NEK1: variants seen among roughly 807,000 people sequenced by gnomAD.
The protein encoded by NEK1 is serine/threonine-protein kinase Nek1.
Under a neutral mutation model 182.1 loss-of-function variants are expected in NEK1, and 137 were observed. The observed-to-expected ratio is 0.75, with a 90% CI of 0.65 to 0.87. The LOEUF is 0.87. Ranked by LOEUF, NEK1 falls within the 40% of genes least tolerant of loss-of-function variation. The probability of loss-of-function intolerance (pLI) is 0.00; values close to 1 mark genes in which losing one functional copy is unlikely to be tolerated. For missense variants in NEK1, 1,391 were observed against 1,494.4 expected (o/e 0.93, Z 1.14); for synonymous variants, 513 against 492.2 (o/e 1.04, Z -0.56).
intron 18 of NEK1, among the ~76,000 whole-genome samples, chr4:169,541,759 A>C (rs927979737): frequency 3.3e-5 from 5 of 152,314 alleles, no homozygotes; most frequent in Admixed American, 6.5e-5. Context: ...AACTAGTCCA[A>C]GTTTTCATTG....
chr4:169,463,278 TG>T lies in NEK1; in HGVS notation c.2551del (p.Gln851ArgfsTer5). ...AGTTGTATTTTCTAATAGTTCTGTC[TG>T]AAGTTGTAGTTCAGCTTCTCCAAGT... ...KILGEAELQLQTELLENTTIR... is the reference protein window; with the variant it reads ...KILGEAELQLXTELLENTTIR... On this transcript the variant is annotated frameshift_variant, in exon 27 of 36. Coordinates refer to ENST00000507142, the MANE Select transcript of NEK1 (RefSeq NM_001199397.3). LOFTEE classifies it high-confidence loss of function. 1 of 1,593,656 alleles carries T rather than the reference TG, an allele frequency of 6.3e-7. No homozygotes were observed. Among genetic ancestry groups the T allele is most frequent in the Non-Finnish European group, 8.5e-7 (1 of 1,169,760 alleles).
intron 19 of NEK1, among the ~76,000 whole-genome samples, chr4:169,522,338 T>TA (rs1298175553): frequency 1.3e-5 from 2 of 152,174 alleles, no homozygotes. Flanking sequence ...CCTTGTCAGG[T>TA]AATTCCTACA....
At chr4:169,608,119 A>ACG (rs1771701876) in intron 2 of NEK1, among the ~76,000 whole-genome samples, 1 of 150,580 alleles carries the variant, frequency 6.6e-6, no homozygotes, top group Non-Finnish European at 1.5e-5. Flanking sequence ...ACACACATAC[A>ACG]CACACACACA....
intron 27 of NEK1, among the ~76,000 whole-genome samples, chr4:169,445,062 GA>G (rs1483239365): frequency 6.6e-6 from 1 of 152,106 alleles, no homozygotes; most frequent in African/African-American, 2.4e-5. Context: ...AATGGGGACA[GA>G]AACACAACAA....
chr4:169,401,650 A>G lies in NEK1; in HGVS notation c.3583+2T>C. 6.2e-7 allele frequency: 1 copy of G among 1,612,288 alleles called. No homozygotes were observed. The highest frequency in any genetic ancestry group is 8.5e-7 in the Non-Finnish European group (1 of 1,178,676). ...AAAAGGTCCAAAACTCTGATCATGC[A>G]CCTGAGTGCCATTCTTCGTTCAGGG... On this transcript the variant is annotated splice_donor_variant, in intron 33 of 35. Coordinates refer to ENST00000507142, the MANE Select transcript of NEK1 (RefSeq NM_001199397.3). LOFTEE classifies it high-confidence loss of function.
chr4:169,564,507 C>T (rs960381611), intron 12 of NEK1, among the ~76,000 whole-genome samples: 18 of 152,154 alleles, frequency 1.2e-4, no homozygotes, highest in African/African-American at 4.1e-4. Context: ...CAGATAGGCA[C>T]TAAAATTCTA....
At chr4:169,426,898 C>A (rs1230144174) in intron 29 of NEK1, among the ~76,000 whole-genome samples, 1 of 151,638 alleles carries the variant, frequency 6.6e-6, no homozygotes, top group Non-Finnish European at 1.5e-5. Flanking sequence ...TATTTTAACC[C>A]TCAAAGGGAG....
intron 18 of NEK1, among the ~76,000 whole-genome samples, chr4:169,545,418 T>C (rs1760251126): frequency 1.3e-5 from 2 of 151,364 alleles, no homozygotes; most frequent in African/African-American, 4.9e-5. Context: ...CCATGGTGTA[T>C]ATATGCCACA....
In NEK1 at chr4:169,400,716, C is replaced by CT. The variant is rs1303450175; in HGVS notation, c.3584-66dup. On this transcript the variant is annotated intron_variant, in intron 33 of 35. Coordinates refer to ENST00000507142, the MANE Select transcript of NEK1 (RefSeq NM_001199397.3). ...ACTGAATAACTCATACCCTAATAGA[C>CT]TAAAATTCTATGACAAATGAATAAT... The CT allele has an allele frequency of 2.6e-6, 3 of 1,160,932 alleles. No homozygotes were observed. In the Admixed American group the frequency reaches 8.8e-5, roughly 34 times the overall value. 71.9% of individuals were successfully genotyped at this position (1,160,932 alleles called of 1,614,324 possible).
At chr4:169,578,146 G>A (rs1415056307) in intron 11 of NEK1, among the ~76,000 whole-genome samples, 1 of 152,174 alleles carries the variant, frequency 6.6e-6, no homozygotes, top group East Asian at 1.9e-4. Context: ...AAGCCTAGAT[G>A]AGGTTCAGTC....
chr4:169,599,962 G>A (rs1770207314), intron 4 of NEK1, among the ~76,000 whole-genome samples: 1 of 151,876 alleles, frequency 6.6e-6, no homozygotes, highest in Admixed American at 6.6e-5. Flanking sequence ...CTGGGCTCAA[G>A]GGAACCTCTC....
rs563998515 is a variant in NEK1 at position 169,499,896 on chromosome 4, G to A, written c.2007+7141C>T. On this transcript the variant is annotated intron_variant, in intron 23 of 35. Transcript: ENST00000507142. ...TGTCCGTTCTCAGATCTGCAGCTGC[G>A]TGCTGGGACAACCACTACTCTCTTC... Among the ~76,000 whole-genome samples the A allele has an allele frequency of 1.2e-4, 18 of 152,176 alleles. No homozygotes were observed. In the South Asian group the frequency reaches 1.5e-3, roughly 12 times the overall value.
chr4:169,482,118 A>G (rs1254112678), intron 23 of NEK1, among the ~76,000 whole-genome samples: 1 of 152,004 alleles, frequency 6.6e-6, no homozygotes, highest in Non-Finnish European at 1.5e-5. Context: ...CTAGCCAACA[A>G]TTTTTCTTCT....
rs148066886 is a variant in NEK1, at chr4:169,405,813, AT to A, written c.3374+782del. ...GGAAACAAACCTGGCTATTAAAAAA[AT>A]TTTTTTTGGCTAGGTGTGGTAGCTC... On this transcript the variant is annotated intron_variant, in intron 32 of 35. Coordinates refer to ENST00000507142, the MANE Select transcript of NEK1 (RefSeq NM_001199397.3). 3.5e-3 allele frequency among the ~76,000 whole-genome samples: 534 copies of A among 152,110 alleles called. 5 individuals are homozygous for A. The highest frequency in any genetic ancestry group is 0.035 in the East Asian group (179 of 5,152).
chr4:169,608,401 G>T (rs1226858148), intron 2 of NEK1, among the ~76,000 whole-genome samples: 1 of 152,180 alleles, frequency 6.6e-6, no homozygotes, highest in South Asian at 2.1e-4. Flanking sequence ...GGGAAAAAAA[G>T]TTAATTTATT....
In NEK1 at chr4:169,400,632, A is replaced by G; in HGVS notation, c.3603T>C (p.Ile1201=). Reference sequence around the variant, plus strand: ...CACTATCGCATTCACATTCACTAGCAATTTCACCATCACTGTTATCTAAAA... The same window carrying G: ...CACTATCGCATTCACATTCACTAGCGATTTCACCATCACTGTTATCTAAAA... ...EWHSDNSDGE[I]ASECECDSVF... The change falls in exon 34 of 36, where the codon ATT becomes ATC. Residue 1201 remains isoleucine, a synonymous_variant. Transcript: ENST00000507142. 1 of 1,594,826 alleles carries G rather than the reference A, an allele frequency of 6.3e-7. No homozygotes were observed. Among genetic ancestry groups the G allele is most frequent in the Non-Finnish European group, 8.5e-7 (1 of 1,170,002 alleles).
At chr4:169,597,070 G>C (rs1384352652) in intron 5 of NEK1, among the ~76,000 whole-genome samples, 1 of 152,070 alleles carries the variant, frequency 6.6e-6, no homozygotes, top group Admixed American at 6.5e-5. Context: ...CTTTATAAGG[G>C]AATATCATTT....
intron 12 of NEK1, among the ~76,000 whole-genome samples, chr4:169,566,845 TGTA>T (rs1387207612): frequency 6.6e-6 from 1 of 152,168 alleles, no homozygotes; most frequent in Non-Finnish European, 1.5e-5. Context: ...GGCTCATGCC[TGTA>T]ATCCCAGCAC....
chr4:169,395,987 C>A (rs1275640315), intron 35 of NEK1, among the ~76,000 whole-genome samples: 3 of 152,120 alleles, frequency 2.0e-5, no homozygotes, highest in Non-Finnish European at 4.4e-5. Flanking sequence ...TTCATTTTAG[C>A]CGATGTATAC....
Sources: allele counts gnomAD v4.1 joint callset (sites outside exome capture counted in the v4.1 genomes callset), GRCh38; gene constraint gnomAD v4.1.1; transcripts MANE v1.5; gene names NCBI Gene and HGNC (gene_info 2026-07-23, HGNC 2026-07-21).